Variants in VAV3 observed in about 807,000 individuals in gnomAD.
The protein encoded by VAV3 is vav guanine nucleotide exchange factor 3.
VAV3 carries 94 observed loss-of-function variants against 131.2 expected under a neutral mutation model. The observed-to-expected ratio is 0.72, with a 90% confidence interval of 0.61 to 0.85. VAV3 has a LOEUF of 0.85. Among genes scored for constraint, VAV3 ranks in the 40% least tolerant of loss-of-function variants. The pLI, the probability that VAV3 is intolerant of heterozygous loss-of-function variation, is 0.00. For synonymous variants in VAV3, 349 were observed against 342.0 expected, an observed-to-expected ratio of 1.02 and a Z score of -0.22; for missense variants, 939 against 1,002.7, an observed-to-expected ratio of 0.94 and a Z score of 0.86.
intron 26 of VAV3, among the ~76,000 whole-genome samples, chr1:107,573,793 G>A (rs920836479): frequency 7.9e-5 from 12 of 152,114 alleles, no homozygotes; most frequent in African/African-American, 2.9e-4. Context: ...AATGCTCCTC[G>A]ACTCTTTTCC....
At chr1:107,719,599 A>T (rs1661356180) in intron 15 of VAV3, among the ~76,000 whole-genome samples, 1 of 152,236 alleles carries the variant, frequency 6.6e-6, no homozygotes, top group Non-Finnish European at 1.5e-5. Flanking sequence ...GAACACTTTT[A>T]CACTGTTGGT....
At chr1:107,760,012 T>C (rs1376102439) in intron 10 of VAV3, among the ~76,000 whole-genome samples, 2 of 152,186 alleles carry the variant, frequency 1.3e-5, no homozygotes, top group Non-Finnish European at 2.9e-5. Context: ...ATTTTTCTGA[T>C]TTCTCAGTAG....
intron 15 of VAV3, among the ~76,000 whole-genome samples, chr1:107,723,222 A>C (rs922980814): frequency 2.0e-5 from 3 of 152,174 alleles, no homozygotes; most frequent in African/African-American, 7.2e-5. Context: ...AGTAACAACA[A>C]AAAGAGAGCT....
intron 6 of VAV3, among the ~76,000 whole-genome samples, chr1:107,769,006 G>C (rs1384482613): frequency 6.6e-6 from 1 of 152,080 alleles, no homozygotes; most frequent in East Asian, 1.9e-4. Flanking sequence ...TCTAGTACTG[G>C]TCTCTCAGTT....
intron 19 of VAV3, among the ~76,000 whole-genome samples, chr1:107,674,639 C>T (rs1167146683): frequency 6.6e-6 from 1 of 152,076 alleles, no homozygotes; most frequent in Non-Finnish European, 1.5e-5. Context: ...AGTTTGGCAC[C>T]CACCAAGTGC....
chr1:107,635,697 A>T (rs1404698998), intron 20 of VAV3, among the ~76,000 whole-genome samples: 1 of 152,148 alleles, frequency 6.6e-6, no homozygotes, highest in Non-Finnish European at 1.5e-5. Context: ...AAACTCACAA[A>T]ACTAGTTTCT....
At chr1:107,654,148 T>C (rs1246193697) in intron 19 of VAV3, among the ~76,000 whole-genome samples, 1 of 152,094 alleles carries the variant, frequency 6.6e-6, no homozygotes, top group East Asian at 1.9e-4. Context: ...AATCTTTGAT[T>C]GACCAAGAAA....
intron 1 of VAV3, among the ~76,000 whole-genome samples, chr1:107,958,743 C>T (rs929538626): frequency 2.6e-5 from 4 of 152,136 alleles, no homozygotes; most frequent in African/African-American, 9.7e-5. Context: ...CCGTCATCTA[C>T]GTTAGGTATT....
At chr1:107,785,686 T>G in intron 2 of VAV3, 4 of 1,101,818 alleles carry the variant, frequency 3.6e-6, no homozygotes, top group Non-Finnish European at 4.5e-6. Flanking sequence ...AAGAGGGAAC[T>G]GGGAGTGTGG....
chr1:107,762,361 G>A (rs888283557), intron 9 of VAV3, among the ~76,000 whole-genome samples: 2 of 152,114 alleles, frequency 1.3e-5, no homozygotes, highest in South Asian at 4.1e-4. Flanking sequence ...CTAATGATCC[G>A]TGACTTAATG....
chr1:107,662,999 A>G (rs1421238379), intron 19 of VAV3, among the ~76,000 whole-genome samples: 1 of 152,166 alleles, frequency 6.6e-6, no homozygotes, highest in Admixed American at 6.5e-5. Flanking sequence ...TTTCAATTAC[A>G]GTTCTTTACA....
intron 26 of VAV3, 102 bp from the exon 27 acceptor site, chr1:107,573,474 C>T: frequency 7.1e-7 from 1 of 1,403,450 alleles, no homozygotes; most frequent in Non-Finnish European, 9.8e-7. Flanking sequence ...CCCAATTAAA[C>T]TGGGGTTTTA....
At chr1:107,737,501 A>T (rs1287780972) in intron 15 of VAV3, among the ~76,000 whole-genome samples, 1 of 152,220 alleles carries the variant, frequency 6.6e-6, no homozygotes, top group Non-Finnish European at 1.5e-5. Flanking sequence ...ACTCAAACAA[A>T]TTTACAAGAA....
Position 107,642,675 on chromosome 1 carries a change from G to A in VAV3, c.1858C>T (p.Gln620Ter). 1 of 1,613,388 alleles carries A rather than the reference G, an allele frequency of 6.2e-7. No homozygotes were observed. The highest frequency in any genetic ancestry group is 8.5e-7 in the Non-Finnish European group (1 of 1,179,630). ...AGAAGTTCAACGGTATCCCCGGCCT[G>A]GAGCTGTAAAGGGGGTCCTTCATGC... ...ALHEGPPLQL[Q>*]AGDTVELLKG... The change falls in exon 20 of 27, where the codon CAG becomes TAG. Residue 620 changes from glutamine to a stop codon, truncating the protein, a stop_gained. Transcript: ENST00000370056. LOFTEE classifies it high-confidence loss of function.
intron 1 of VAV3, among the ~76,000 whole-genome samples, chr1:107,916,679 G>A (rs1383584248): frequency 6.6e-6 from 1 of 152,174 alleles, no homozygotes; most frequent in African/African-American, 2.4e-5. Flanking sequence ...AATAACATAA[G>A]TTCTGGGATG....
intron 15 of VAV3, among the ~76,000 whole-genome samples, chr1:107,708,514 A>G (rs1254820807): frequency 6.6e-6 from 1 of 152,170 alleles, no homozygotes; most frequent in Non-Finnish European, 1.5e-5. Context: ...AGGGCAAGGA[A>G]TGTTGACACT....
At chr1:107,700,491 C>T (rs967895163) in intron 17 of VAV3, among the ~76,000 whole-genome samples, 2 of 152,090 alleles carry the variant, frequency 1.3e-5, no homozygotes, top group Admixed American at 6.5e-5. Flanking sequence ...TGTGTTGTTC[C>T]CCTCCCTGTG....
In VAV3 at chr1:107,602,410, A is replaced by T; in HGVS notation, c.2207T>A (p.Phe736Tyr). 1.3e-6 allele frequency: 2 copies of T among 1,569,106 alleles called. No homozygotes were observed. Among genetic ancestry groups the T allele is most frequent in the Non-Finnish European group, 1.7e-6 (2 of 1,163,720 alleles). The stretch of plus-strand genomic sequence containing the variant: ...ATCAATGCTTACCATTAAACTTTTA[A>T]ATTTTCTATTTTCTGCAATGTGAAA... ...GFFHIAENRK[F>Y]KSLMELVEYY... Residue 736 changes from phenylalanine (F) to tyrosine (Y), a missense_variant, in exon 24 of 27, where the codon TTT (phenylalanine) becomes TAT (tyrosine). Coordinates refer to ENST00000370056, the MANE Select transcript of VAV3 (RefSeq NM_006113.5).
chr1:107,955,938 A>G (rs1674787809), intron 1 of VAV3, among the ~76,000 whole-genome samples: 1 of 152,188 alleles, frequency 6.6e-6, no homozygotes, highest in Non-Finnish European at 1.5e-5. Context: ...CATCACACCC[A>G]ATGTTCATCC....
Sources: allele counts gnomAD v4.1 joint callset (sites outside exome capture counted in the v4.1 genomes callset), GRCh38; gene constraint gnomAD v4.1.1; transcripts MANE v1.5; gene names NCBI Gene and HGNC (gene_info 2026-07-23, HGNC 2026-07-21).